SYTL5: variants seen among roughly 807,000 people sequenced by gnomAD.
SYTL5 encodes synaptotagmin-like protein 5.
Under a neutral mutation model 55.9 loss-of-function variants are expected in SYTL5, and 34 were observed. The ratio of observed to expected loss-of-function variants is 0.61; its 90% CI spans 0.46 to 0.81. SYTL5 has a LOEUF of 0.81. Among genes scored for constraint, SYTL5 ranks in the 30% least tolerant of loss-of-function variants. The pLI is 0.00. For missense variants in SYTL5, 637 were observed against 546.7 expected (o/e 1.17, Z -1.65); for synonymous variants, 221 against 188.7 (o/e 1.17, Z -1.40).
chrX:38,043,780 G>T (rs1935378309), intron 2 of SYTL5, among the ~76,000 whole-genome samples: 2 of 96,393 alleles, frequency 2.1e-5, no homozygotes, highest in African/African-American at 7.7e-5. Flanking sequence ...CTTTATTTTT[G>T]CTTTGCATTA....
chrX:37,929,004 T>C, the SYTL5 span, among the ~76,000 whole-genome samples: 2 of 112,542 alleles, frequency 1.8e-5, no homozygotes. Context: ...TTTGTGCTTG[T>C]AACTCCCAAG....
At chrX:37,893,232 AAT>A in the SYTL5 span, among the ~76,000 whole-genome samples, 16 of 76,031 alleles carry the variant, frequency 2.1e-4, no homozygotes, top group African/African-American at 1.2e-3. Context: ...AACATACCAC[AAT>A]CTATACTATA....
At chrX:37,894,494 T>C in the SYTL5 span, among the ~76,000 whole-genome samples, 2 of 111,506 alleles carry the variant, frequency 1.8e-5, no homozygotes, top group Non-Finnish European at 3.8e-5. Context: ...TTAAACTGGA[T>C]AATAGAAAGA....
intron 1 of SYTL5, among the ~76,000 whole-genome samples, chrX:38,013,535 T>C (rs1259562515): frequency 8.9e-6 from 1 of 111,863 alleles, no homozygotes; most frequent in Non-Finnish European, 1.9e-5. Context: ...TCAAGTGTTT[T>C]CTATGTAACC....
chrX:38,121,946 G>A (rs910796105), intron 14 of SYTL5, 134 bp from the exon 15 acceptor site: 2 of 603,530 alleles, frequency 3.3e-6, no homozygotes, highest in African/African-American at 2.3e-5. Context: ...ATACAATAAT[G>A]TAAAGGCCCA....
chrX:38,101,647 GTA>G (rs1216214181), intron 9 of SYTL5, among the ~76,000 whole-genome samples: 3 of 109,102 alleles, frequency 2.7e-5, no homozygotes, highest in Non-Finnish European at 5.7e-5. Flanking sequence ...GTGTATATAT[GTA>G]TGTGTGTGTG....
the SYTL5 span, among the ~76,000 whole-genome samples, chrX:37,964,251 C>CA: frequency 8.9e-6 from 1 of 111,756 alleles, no homozygotes; most frequent in Admixed American, 9.5e-5. Flanking sequence ...CTTCACTAGA[C>CA]AAAAAATCTG....
intron 1 of SYTL5, among the ~76,000 whole-genome samples, chrX:38,027,156 T>C (rs771548741): frequency 2.7e-5 from 3 of 112,166 alleles, no homozygotes; most frequent in African/African-American, 9.7e-5. Context: ...AAAGGTGATA[T>C]CTGGAAGATT....
Position 38,094,381 on chromosome X carries a change from T to A in SYTL5, c.918T>A (p.Ser306=). ...ELTKSHRRNT[S]GTPSIAVSGT... ...CAAAGAGTCACCGCAGAAACACTTC[T>A]GGCACACCTTCCATAGCAGTGTCTG... is the stretch of plus-strand genomic sequence containing the variant. Residue 306 remains serine, a synonymous_variant, in exon 8 of 17, where the codon TCT becomes TCA. Transcript: ENST00000297875. 1 of 1,206,745 alleles carries A rather than the reference T, an allele frequency of 8.3e-7. No homozygotes were observed. The highest frequency in any genetic ancestry group is 1.1e-6 in the Non-Finnish European group (1 of 891,908).
the SYTL5 span, among the ~76,000 whole-genome samples, chrX:37,968,918 G>A: frequency 6.3e-5 from 7 of 111,775 alleles, no homozygotes; most frequent in African/African-American, 9.8e-5. Flanking sequence ...TAAAGAAGCC[G>A]AATTATACCA....
chrX:37,959,697 C>T, the SYTL5 span, among the ~76,000 whole-genome samples: 1 of 112,024 alleles, frequency 8.9e-6, no homozygotes, highest in African/African-American at 3.2e-5. Context: ...TTTCGGCCTT[C>T]CAAACGGTTT....
intron 1 of SYTL5, among the ~76,000 whole-genome samples, chrX:38,008,259 C>G (rs946626893): frequency 3.6e-5 from 4 of 111,612 alleles, no homozygotes; most frequent in Non-Finnish European, 7.6e-5. Context: ...ACATTCATAT[C>G]TTACTTGTCT....
At chrX:38,024,846 G>T (rs749933962) in intron 1 of SYTL5, among the ~76,000 whole-genome samples, 21 of 110,989 alleles carry the variant, frequency 1.9e-4, no homozygotes, top group African/African-American at 6.9e-4. Flanking sequence ...ATATCATTGT[G>T]AAATTAAAAA....
chrX:38,071,753 C>T (rs1460607262), intron 3 of SYTL5, among the ~76,000 whole-genome samples: 1 of 111,786 alleles, frequency 8.9e-6, no homozygotes, highest in Admixed American at 9.5e-5. Flanking sequence ...ATATGAGGCA[C>T]ATTATTTTAT....
chrX:38,122,210 G>T lies in SYTL5; in HGVS notation c.1836G>T (p.Val612=). Reference sequence around the variant, plus strand: ...CAGGAGGCACTTCTGATAGCTTTGTGAAGGGGTAACTTTGTTTTAGCTCTT... The same window carrying T: ...CAGGAGGCACTTCTGATAGCTTTGTTAAGGGGTAACTTTGTTTTAGCTCTT... ...VKSGGTSDSF[V]KGYLLPDDSK... Residue 612 remains valine, a synonymous_variant, in exon 15 of 17, where the codon GTG becomes GTT. Transcript: ENST00000297875. 1 of 1,206,374 alleles carries T rather than the reference G, an allele frequency of 8.3e-7. No homozygotes were observed. The highest frequency in any genetic ancestry group is 1.7e-5 in the African/African-American group (1 of 57,626).
chrX:37,941,248 G>A, the SYTL5 span, among the ~76,000 whole-genome samples: 14 of 111,659 alleles, frequency 1.3e-4, no homozygotes, highest in South Asian at 3.8e-4. Flanking sequence ...TCTGGGACCC[G>A]CTCCCCACCA....
At chrX:37,964,937 CTT>C in the SYTL5 span, among the ~76,000 whole-genome samples, 2 of 110,863 alleles carry the variant, frequency 1.8e-5, no homozygotes, top group Non-Finnish European at 3.8e-5. Flanking sequence ...CATGTCTCCT[CTT>C]TAATTTCTAA....
chrX:38,032,441 T>C (rs979206621), intron 1 of SYTL5, among the ~76,000 whole-genome samples: 3 of 111,323 alleles, frequency 2.7e-5, no homozygotes, highest in Non-Finnish European at 5.6e-5. Flanking sequence ...CATTTTACAA[T>C]ATACAATACA....
chrX:38,101,194 G>A (rs1298800243), intron 9 of SYTL5, among the ~76,000 whole-genome samples: 1 of 111,294 alleles, frequency 9.0e-6, no homozygotes, highest in Non-Finnish European at 1.9e-5. Context: ...ATAAAAGCAA[G>A]AATGTGGTTA....
Sources: allele counts gnomAD v4.1 joint callset (sites outside exome capture counted in the v4.1 genomes callset), GRCh38; gene constraint gnomAD v4.1.1; transcripts MANE v1.5; gene names NCBI Gene and HGNC (gene_info 2026-07-23, HGNC 2026-07-21).